Variants in ZBTB20 observed in about 807,000 individuals in gnomAD.
ZBTB20 encodes the protein zinc finger and BTB domain containing 20.
Under a neutral mutation model 56.9 loss-of-function variants are expected in ZBTB20, and 9 were observed. The ratio of observed to expected loss-of-function variants is 0.16; its 90% CI spans 0.10 to 0.28. The LOEUF is 0.28. ZBTB20 is among the 10% of genes least tolerant of loss of function. The pLI, the probability that ZBTB20 is intolerant of heterozygous loss-of-function variation, is 1.00. For missense variants in ZBTB20, 655 were observed against 1,003.0 expected (o/e 0.65, Z 4.69); for synonymous variants, 417 against 420.7 (o/e 0.99, Z 0.11).
intron 5 of ZBTB20, among the ~76,000 whole-genome samples, chr3:114,739,800 A>G (rs114217914): frequency 6.6e-6 from 1 of 152,228 alleles, no homozygotes; most frequent in African/African-American, 2.4e-5. Context: ...TACAGAGCCT[A>G]GGCATTCTGA....
chr3:114,929,173 C>T (rs1049205056), intron 3 of ZBTB20, among the ~76,000 whole-genome samples: 4 of 152,216 alleles, frequency 2.6e-5, no homozygotes, highest in African/African-American at 7.2e-5. Context: ...TAAGCTATTT[C>T]GAATCACACT....
At chr3:114,358,498 A>G (rs1054333729) in intron 10 of ZBTB20, among the ~76,000 whole-genome samples, 2 of 152,222 alleles carry the variant, frequency 1.3e-5, no homozygotes, top group African/African-American at 2.4e-5. Context: ...TTACAGGTCC[A>G]AAGGAGAAAG....
chr3:114,622,315 T>C (rs895513090), intron 6 of ZBTB20, among the ~76,000 whole-genome samples: 6 of 152,148 alleles, frequency 3.9e-5, no homozygotes, highest in Non-Finnish European at 8.8e-5. Flanking sequence ...TTTTTTTCTT[T>C]AGAAAACAAG....
At chr3:114,748,337 CTT>C (rs1491544607) in intron 5 of ZBTB20, among the ~76,000 whole-genome samples, 126 of 36,008 alleles carry the variant, frequency 3.5e-3, no homozygotes, top group African/African-American at 7.2e-3. Context: ...TTTCTTTCTT[CTT>C]TCTTTCTTTC....
intron 5 of ZBTB20, among the ~76,000 whole-genome samples, chr3:114,732,173 C>T (rs1002906329): frequency 5.3e-5 from 8 of 152,276 alleles, no homozygotes; most frequent in South Asian, 2.1e-4. Context: ...AATTGCCTTT[C>T]TATACTTTCT....
At chr3:114,596,701 C>A in intron 6 of ZBTB20, among the ~76,000 whole-genome samples, 1 of 152,038 alleles carries the variant, frequency 6.6e-6, no homozygotes, top group East Asian at 1.9e-4. Flanking sequence ...AATGAATTTT[C>A]ATGAAACTGA....
At chr3:114,342,279 A>C (rs1334540732) in intron 11 of ZBTB20, among the ~76,000 whole-genome samples, 1 of 152,242 alleles carries the variant, frequency 6.6e-6, no homozygotes, top group Non-Finnish European at 1.5e-5. Context: ...CATTATGCAT[A>C]AAATGGATGA....
intron 5 of ZBTB20, among the ~76,000 whole-genome samples, chr3:114,793,092 C>G (rs750138983): frequency 6.6e-6 from 1 of 151,822 alleles, no homozygotes; most frequent in Non-Finnish European, 1.5e-5. Flanking sequence ...GTTGGTCAGG[C>G]TGGTCTCGAA....
chr3:114,734,447 T>C (rs189253248), intron 5 of ZBTB20, among the ~76,000 whole-genome samples: 91 of 152,190 alleles, frequency 6.0e-4, no homozygotes, highest in African/African-American at 2.1e-3. Context: ...TGATACCATA[T>C]AGTATAGTAC....
rs183943470 is a variant in ZBTB20 at position 114,326,243 on chromosome 3, C to T, written c.*12762G>A. 1.3e-5 allele frequency: 2 copies of T among 152,116 alleles called. No homozygotes were observed. The highest frequency in any genetic ancestry group is 2.4e-5 in the African/African-American group (1 of 41,410). 9.4% of individuals were successfully genotyped at this position (152,116 alleles called of 1,614,324 possible). A position where few individuals can be genotyped will look rare whatever the true frequency, so the allele number is the denominator to read the frequency against. ...TTTAATTAAACTAATTTATTCCCAG[C>T]CTTATTCCAAAAAGGATTTGAGGAG... On this transcript the variant is annotated 3_prime_UTR_variant, in exon 12 of 12. Transcript: ENST00000675478.
intron 10 of ZBTB20, among the ~76,000 whole-genome samples, chr3:114,360,443 C>A (rs894923582): frequency 1.3e-5 from 2 of 150,428 alleles, no homozygotes; most frequent in Admixed American, 1.3e-4. Context: ...CTCCTGGGTT[C>A]AAGTGATTCT....
chr3:114,482,814 T>A (rs1208391257), intron 7 of ZBTB20, among the ~76,000 whole-genome samples: 1 of 152,212 alleles, frequency 6.6e-6, no homozygotes, highest in Admixed American at 6.5e-5. Context: ...CAAGGACTTT[T>A]AAAAATTAAG....
intron 5 of ZBTB20, among the ~76,000 whole-genome samples, chr3:114,736,109 T>C (rs983064860): frequency 2.0e-5 from 3 of 152,198 alleles, no homozygotes; most frequent in African/African-American, 7.2e-5. Context: ...CACCGGAGTT[T>C]CCATTCTAGC....
At chr3:114,386,349 G>T (rs1360246789) in intron 8 of ZBTB20, among the ~76,000 whole-genome samples, 1 of 151,844 alleles carries the variant, frequency 6.6e-6, no homozygotes, top group Non-Finnish European at 1.5e-5. Flanking sequence ...TATCAGTCAG[G>T]ATCCTGGCAA....
intron 3 of ZBTB20, among the ~76,000 whole-genome samples, chr3:114,910,926 T>A (rs922931143): frequency 6.6e-6 from 1 of 152,096 alleles, no homozygotes; most frequent in African/African-American, 2.4e-5. Flanking sequence ...TCCCAAGTGT[T>A]GTTTTCTTCA....
At chr3:114,839,427 GA>G in intron 4 of ZBTB20, among the ~76,000 whole-genome samples, 1 of 147,306 alleles carries the variant, frequency 6.8e-6, no homozygotes, top group East Asian at 2.0e-4. Context: ...AAGAAAGAAA[GA>G]AAGAAAGAAA....
chr3:114,875,898 C>A (rs1383822858), intron 4 of ZBTB20, among the ~76,000 whole-genome samples: 1 of 152,094 alleles, frequency 6.6e-6, no homozygotes, highest in East Asian at 1.9e-4. Flanking sequence ...TCCTATCCCC[C>A]AAATTTTATT....
chr3:114,950,671 T>C (rs2077035468), intron 3 of ZBTB20, among the ~76,000 whole-genome samples: 1 of 152,086 alleles, frequency 6.6e-6, no homozygotes, highest in African/African-American at 2.4e-5. Context: ...TCAGCATATA[T>C]CCAATAAGAA....
chr3:114,788,892 G>C (rs1330537326), intron 5 of ZBTB20, among the ~76,000 whole-genome samples: 1 of 152,160 alleles, frequency 6.6e-6, no homozygotes, highest in Non-Finnish European at 1.5e-5. Context: ...AGGCGAGAGA[G>C]TGTGTGTGTA....
Sources: allele counts gnomAD v4.1 joint callset (sites outside exome capture counted in the v4.1 genomes callset), GRCh38; gene constraint gnomAD v4.1.1; transcripts MANE v1.5; gene names NCBI Gene and HGNC (gene_info 2026-07-23, HGNC 2026-07-21).